The following FUT8 variants were observed in gnomAD, a reference collection of about 807,000 sequenced individuals.
FUT8 encodes the protein alpha-(1,6)-fucosyltransferase.
In FUT8, 29 loss-of-function variants were observed where a neutral mutation model predicts 71.3. That is an observed-to-expected ratio of 0.41 (90% CI 0.30 to 0.55). The LOEUF is 0.55. Among genes scored for constraint, FUT8 ranks in the 20% least tolerant of loss-of-function variants. The pLI is 0.34. For missense variants in FUT8, 544 were observed against 702.1 expected (o/e 0.77, Z 2.55); for synonymous variants, 254 against 239.3 (o/e 1.06, Z -0.57).
At position 65,470,446 on chromosome 14, in the gene FUT8, C is replaced by G. The variant is rs76308915; in HGVS notation, c.-228+14728C>G. ...GGCTTGGGCTGCTGCCTGCTCCTGG[C>G]TCCCACTGGCACTGTGGAGCATGCA... On this transcript the variant is annotated intron_variant, in intron 2 of 10. Transcript: ENST00000673929. Among the ~76,000 whole-genome samples the G allele has an allele frequency of 5.5e-3, 843 of 152,298 alleles. 30 individuals are homozygous for G. The East Asian group carries it at 0.091, about 16-fold the overall frequency.
intron 3 of FUT8, among the ~76,000 whole-genome samples, chr14:65,562,650 A>G (rs1411015651): frequency 1.3e-5 from 2 of 152,152 alleles, no homozygotes; most frequent in Non-Finnish European, 2.9e-5. Context: ...AGAAATGAAG[A>G]TTTGAGAATC....
chr14:65,710,571 C>T (rs1894765347), intron 7 of FUT8, among the ~76,000 whole-genome samples: 1 of 151,808 alleles, frequency 6.6e-6, no homozygotes, highest in South Asian at 2.1e-4. Context: ...TTTTTGATAG[C>T]ATATTTGTTG....
At chr14:65,511,171 CA>C (rs538357460) in intron 2 of FUT8, among the ~76,000 whole-genome samples, 6 of 152,156 alleles carry the variant, frequency 3.9e-5, no homozygotes, top group Admixed American at 3.9e-4. Flanking sequence ...ACCCACTTGT[CA>C]TTCAGGGGCA....
intron 7 of FUT8, among the ~76,000 whole-genome samples, chr14:65,685,919 A>C (rs1021775459): frequency 1.3e-5 from 2 of 152,170 alleles, no homozygotes; most frequent in African/African-American, 4.8e-5. Flanking sequence ...TCTTTATGCA[A>C]GTTGTTTTAT....
chr14:65,446,869 A>T (rs376656444), intron 1 of FUT8, among the ~76,000 whole-genome samples: 1 of 147,992 alleles, frequency 6.8e-6, no homozygotes, highest in Admixed American at 6.8e-5. Flanking sequence ...GAGTTTTGCT[A>T]TGTTGCCCAA....
chr14:65,739,741 A>G (rs942998045), intron 10 of FUT8, among the ~76,000 whole-genome samples: 13 of 152,060 alleles, frequency 8.5e-5, no homozygotes, highest in African/African-American at 3.1e-4. Context: ...AACATGGAGA[A>G]TAAGATTTAC....
intron 2 of FUT8, among the ~76,000 whole-genome samples, chr14:65,461,403 T>G (rs1253868750): frequency 6.6e-6 from 1 of 152,208 alleles, no homozygotes; most frequent in Non-Finnish European, 1.5e-5. Context: ...TTACACATTT[T>G]GGGAGGACAC....
At chr14:65,505,564 A>C (rs772391545) in intron 2 of FUT8, among the ~76,000 whole-genome samples, 1 of 151,946 alleles carries the variant, frequency 6.6e-6, no homozygotes, top group African/African-American at 2.4e-5. Flanking sequence ...TGCCCGCCTT[A>C]GCCTCCCAAA....
intron 6 of FUT8, among the ~76,000 whole-genome samples, chr14:65,656,015 A>G (rs1891663097): frequency 6.6e-6 from 1 of 152,168 alleles, no homozygotes; most frequent in African/African-American, 2.4e-5. Context: ...AATGGGGGAG[A>G]AACTGAAAGA....
the FUT8 span, among the ~76,000 whole-genome samples, chr14:65,378,896 G>C: frequency 2.2e-5 from 3 of 134,394 alleles, no homozygotes; most frequent in East Asian, 6.9e-4. Flanking sequence ...GCCCAGGCTG[G>C]AGTGCAGTGG....
chr14:65,695,415 T>G (rs192866233), intron 7 of FUT8, among the ~76,000 whole-genome samples: 1 of 152,338 alleles, frequency 6.6e-6, no homozygotes, highest in East Asian at 1.9e-4. Flanking sequence ...TATAATGCTG[T>G]CTATTGCTGA....
chr14:65,571,540 A>G (rs1886478864), intron 3 of FUT8, among the ~76,000 whole-genome samples: 1 of 152,158 alleles, frequency 6.6e-6, no homozygotes, highest in South Asian at 2.1e-4. Flanking sequence ...TTCATTTTTC[A>G]ACCACTACAC....
rs1343775559 is a variant in FUT8 at position 65,574,351 on chromosome 14, T to C, written c.203+12585T>C. Reference sequence around the variant, plus strand: ...GCAAATCACAGGTCCCATTTACACTTGGGGAGGCGATTTTCCAAGGTCTTG... The same window carrying C: ...GCAAATCACAGGTCCCATTTACACTCGGGGAGGCGATTTTCCAAGGTCTTG... On this transcript the variant is annotated intron_variant, in intron 3 of 10. Transcript: ENST00000673929. This position sits in a 1 kb window ranked among gnomAD's most constrained non-coding sequence, Gnocchi z 5.2. Among the ~76,000 whole-genome samples the C allele has an allele frequency of 2.0e-5, 3 of 152,098 alleles. No homozygotes were observed. Among genetic ancestry groups the C allele is most frequent in the Non-Finnish European group, 2.9e-5 (2 of 68,004 alleles).
chr14:65,658,580 C>T (rs1262414650), intron 6 of FUT8, among the ~76,000 whole-genome samples: 1 of 152,024 alleles, frequency 6.6e-6, no homozygotes, highest in Non-Finnish European at 1.5e-5. Context: ...TAGAATACTA[C>T]CTAGTAATAA....
chr14:65,524,642 G>A (rs141030626), intron 2 of FUT8, among the ~76,000 whole-genome samples: 1 of 152,158 alleles, frequency 6.6e-6, no homozygotes, highest in Non-Finnish European at 1.5e-5. Context: ...GGGCATCCCT[G>A]TCTTGTGCCA....
At chr14:65,731,532 T>C (rs1405325274) in intron 9 of FUT8, among the ~76,000 whole-genome samples, 1 of 152,226 alleles carries the variant, frequency 6.6e-6, no homozygotes, top group Non-Finnish European at 1.5e-5. Context: ...AATTTCCTTC[T>C]TCCATTATTT....
At chr14:65,624,185 A>G (rs1889772834) in intron 5 of FUT8, among the ~76,000 whole-genome samples, 1 of 152,224 alleles carries the variant, frequency 6.6e-6, no homozygotes, top group African/African-American at 2.4e-5. Flanking sequence ...AGGCCGAGAA[A>G]CAAAAGATTT....
intron 2 of FUT8, among the ~76,000 whole-genome samples, chr14:65,531,781 C>A (rs994572452): frequency 2.6e-5 from 4 of 152,100 alleles, no homozygotes; most frequent in Non-Finnish European, 5.9e-5. Context: ...CACTCTCCAC[C>A]CTCTGGTAGG....
intron 3 of FUT8, among the ~76,000 whole-genome samples, chr14:65,586,887 T>C (rs897586367): frequency 3.9e-5 from 6 of 152,210 alleles, no homozygotes; most frequent in African/African-American, 1.4e-4. Context: ...TTCATCTCTG[T>C]AATTCTTTTA....
Sources: allele counts gnomAD v4.1 joint callset (sites outside exome capture counted in the v4.1 genomes callset), GRCh38; gene constraint gnomAD v4.1.1; non-coding constraint Gnocchi (gnomAD v3.1); transcripts MANE v1.5; gene names NCBI Gene and HGNC (gene_info 2026-07-23, HGNC 2026-07-21).